Variants in ARHGAP22 observed in about 807,000 individuals in gnomAD.
ARHGAP22 encodes rho GTPase-activating protein 22.
A neutral mutation model predicts 59.1 loss-of-function variants in ARHGAP22; 48 were observed. The ratio of observed to expected loss-of-function variants is 0.81; its 90% CI spans 0.64 to 1.03. The LOEUF is 1.03. ARHGAP22 is among the 50% of genes least tolerant of loss of function. The pLI is 0.00. For synonymous variants in ARHGAP22, 445 were observed against 416.4 expected, an observed-to-expected ratio of 1.07 and a Z score of -0.84; for missense variants, 1,015 against 958.7, an observed-to-expected ratio of 1.06 and a Z score of -0.78.
At chr10:48,481,195 T>C (rs919160759) in intron 3 of ARHGAP22, among the ~76,000 whole-genome samples, 1 of 152,204 alleles carries the variant, frequency 6.6e-6, no homozygotes, top group African/African-American at 2.4e-5. Flanking sequence ...GGCTGCTCGG[T>C]TGGCTGGTGT....
chr10:48,468,073 A>G (rs2047891727), intron 4 of ARHGAP22, among the ~76,000 whole-genome samples: 1 of 152,250 alleles, frequency 6.6e-6, no homozygotes, highest in Non-Finnish European at 1.5e-5. Flanking sequence ...AAAATCTTTG[A>G]TGAACAAAAG....
At chr10:48,524,026 CG>C in intron 3 of ARHGAP22, 2 of 1,462,936 alleles carry the variant, frequency 1.4e-6, no homozygotes. Flanking sequence ...CCGCAGGGAG[CG>C]GGGCGCACGT....
At chr10:48,642,397 C>T (rs1301656460) in intron 1 of ARHGAP22, among the ~76,000 whole-genome samples, 9 of 152,130 alleles carry the variant, frequency 5.9e-5, no homozygotes, top group Non-Finnish European at 4.4e-5. Context: ...GAGATATAGA[C>T]CAATGGAACA....
intron 1 of ARHGAP22, among the ~76,000 whole-genome samples, chr10:48,590,592 A>G (rs12412298): frequency 0.81 from 123,132 of 152,176 alleles, 50,277 homozygotes; most frequent in East Asian, 1. Context: ...ATATTGCTGC[A>G]GCCCTGAGCT....
Position 48,446,462 on chromosome 10 carries a change from C to T in ARHGAP22, c.2026G>A (p.Glu676Lys), listed in dbSNP as rs867270392. 1 of 1,614,236 alleles carries T rather than the reference C, an allele frequency of 6.2e-7. No homozygotes were observed. The highest frequency in any genetic ancestry group is 2.2e-5 in the East Asian group (1 of 44,886). The stretch of plus-strand genomic sequence containing the variant: ...AGGGTCGAAAAAAACTCCTCCATTT[C>T]CCTCTGCAACAGCTGGTTCCTCCTC... ...AERRNQLLQR[E>K]MEEFFSTLGS... The change falls in exon 10 of 10, where the codon GAA becomes AAA. Residue 676 changes from glutamate (E) to lysine (K), a missense_variant. Coordinates refer to ENST00000249601, the MANE Select transcript of ARHGAP22 (RefSeq NM_021226.4).
rs184924023 is a variant in ARHGAP22 at position 48,478,699 on chromosome 10, C to T, written c.451+937G>A. Among the ~76,000 whole-genome samples, 22 of 152,246 alleles carry T rather than the reference C, an allele frequency of 1.4e-4. No homozygotes were observed. In the East Asian group the frequency reaches 1.7e-3, roughly 12 times the overall value. On this transcript the variant is annotated intron_variant, in intron 4 of 9. Transcript: ENST00000249601. ...TTTCATGACCACTTCATATGGACAC[C>T]GACCTAGAGATAGCGACTGCACGGC...
At chr10:48,616,227 C>T (rs1335439764) in intron 1 of ARHGAP22, among the ~76,000 whole-genome samples, 2 of 152,106 alleles carry the variant, frequency 1.3e-5, no homozygotes, top group South Asian at 2.1e-4. Context: ...AAATTATATA[C>T]ATTTTATGCT....
intron 3 of ARHGAP22, among the ~76,000 whole-genome samples, chr10:48,528,658 G>A (rs922266506): frequency 5.9e-5 from 9 of 152,184 alleles, no homozygotes; most frequent in African/African-American, 2.2e-4. Context: ...ATGACCTCCA[G>A]TGTTGGAGGT....
In ARHGAP22 at chr10:48,527,462, T is replaced by C. The variant is rs150081003; in HGVS notation, c.322+28001A>G. On this transcript the variant is annotated intron_variant, in intron 3 of 9. Coordinates refer to ENST00000249601, the MANE Select transcript of ARHGAP22 (RefSeq NM_021226.4). ...TTGCATGGAGGTGTGGATAGGTGAA[T>C]AGATGGATGGATGGGTGGATGGATG... 2.4e-4 allele frequency among the ~76,000 whole-genome samples: 33 copies of C among 136,228 alleles called. 1 individual carries two copies. The South Asian group carries it at 7.2e-3, about 30-fold the overall frequency. 89.4% of individuals were successfully genotyped at this position (136,228 alleles called of 152,430 possible).
chr10:48,464,332 C>G (rs2047439513), intron 4 of ARHGAP22, among the ~76,000 whole-genome samples: 1 of 152,212 alleles, frequency 6.6e-6, no homozygotes, highest in Non-Finnish European at 1.5e-5. Context: ...CAGCTCCCAG[C>G]CCCAGCACAA....
intron 4 of ARHGAP22, among the ~76,000 whole-genome samples, chr10:48,468,763 G>A (rs1166624521): frequency 1.3e-5 from 2 of 152,156 alleles, no homozygotes; most frequent in Non-Finnish European, 2.9e-5. Flanking sequence ...TGTGCCCCAG[G>A]CCAGTGAGGA....
At position 48,500,168 on chromosome 10, in the gene ARHGAP22, C is replaced by T. The variant is rs116626991; in HGVS notation, c.323-20404G>A. Among the ~76,000 whole-genome samples the T allele has an allele frequency of 6.4e-3, 970 of 152,218 alleles. 11 individuals are homozygous for T. The highest frequency in any genetic ancestry group is 0.021 in the African/African-American group (865 of 41,514). On this transcript the variant is annotated intron_variant, in intron 3 of 9. Coordinates refer to ENST00000249601, the MANE Select transcript of ARHGAP22 (RefSeq NM_021226.4). Reference sequence around the variant, plus strand: ...GTCTAGGCAACAGAGCAAGACCCCACCTCTGTAGACAATAATAATTAAAAA... The same window carrying T: ...GTCTAGGCAACAGAGCAAGACCCCATCTCTGTAGACAATAATAATTAAAAA...
Position 48,650,142 on chromosome 10 carries a change from G to T in ARHGAP22, c.52+2092C>A, listed in dbSNP as rs573914882. The stretch of plus-strand genomic sequence containing the variant: ...GGAAGCCCCCTCCCCCTGTGCTGGA[G>T]ACTCTTTTTTTTTTTTTTTTTTTTT... On this transcript the variant is annotated intron_variant, in intron 1 of 9. Transcript: ENST00000435790. Among the ~76,000 whole-genome samples, 15 of 118,538 alleles carry T rather than the reference G, an allele frequency of 1.3e-4. No homozygotes were observed. In the East Asian group the frequency reaches 3.2e-3, roughly 25 times the overall value. The allele number at this position is 118,538 out of a possible 152,430, so 77.8% of individuals were successfully genotyped here.
At chr10:48,513,879 G>A (rs1390542280) in intron 3 of ARHGAP22, among the ~76,000 whole-genome samples, 1 of 151,870 alleles carries the variant, frequency 6.6e-6, no homozygotes, top group Non-Finnish European at 1.5e-5. Context: ...AAGAACTAAA[G>A]GAAACTATGT....
chr10:48,650,321 C>T (rs540531873), intron 1 of ARHGAP22, among the ~76,000 whole-genome samples: 4 of 152,130 alleles, frequency 2.6e-5, no homozygotes, highest in Middle Eastern at 3.4e-3. Context: ...AAGCCAGACA[C>T]GAGGCTTCAT....
intron 3 of ARHGAP22, among the ~76,000 whole-genome samples, chr10:48,519,820 AAC>A (rs901124573): frequency 6.6e-6 from 1 of 151,970 alleles, no homozygotes; most frequent in Admixed American, 6.6e-5. Context: ...GGGAGGGGGG[AAC>A]ACAGTGCCAG....
At chr10:48,469,247 C>CA (rs1475507178) in intron 4 of ARHGAP22, among the ~76,000 whole-genome samples, 1 of 152,238 alleles carries the variant, frequency 6.6e-6, no homozygotes, top group African/African-American at 2.4e-5. Flanking sequence ...CAGGCACTGC[C>CA]ACATTGAGCT....
chr10:48,450,921 A>G lies in ARHGAP22; in HGVS notation c.1208T>C (p.Val403Ala), dbSNP rs750252788. ...TSSLDGAAVAVLSRTAPTGPG... is the reference protein window; with the variant it reads ...TSSLDGAAVAALSRTAPTGPG... ...CCCCGTGGGGGCTGTTCTGGAGAGC[A>G]CCGCCACGGCCGCCCCGTCCAGGGA... is the stretch of plus-strand genomic sequence containing the variant. The change falls in exon 9 of 10, where the codon GTG becomes GCG. Residue 403 changes from valine to alanine, a missense_variant. Coordinates refer to ENST00000249601, the MANE Select transcript of ARHGAP22 (RefSeq NM_021226.4). 6.3e-7 allele frequency: 1 copy of G among 1,595,116 alleles called. No homozygotes were observed. The highest frequency in any genetic ancestry group is 1.1e-5 in the South Asian group (1 of 88,020).
At chr10:48,438,301 G>C in the ARHGAP22 span, 6 of 152,204 alleles carry the variant, frequency 3.9e-5, no homozygotes, top group African/African-American at 1.2e-4. Context: ...TGTTTCTACT[G>C]ATCTCTCTTA....
Sources: gnomAD v4.1 joint callset for allele counts (sites outside exome capture counted in the v4.1 genomes callset) on GRCh38, gnomAD v4.1.1 for gene constraint, MANE v1.5 for transcripts, NCBI Gene and HGNC (gene_info 2026-07-23, HGNC 2026-07-21) for gene names.